The following CHM variants were observed in gnomAD, a reference collection of about 807,000 sequenced individuals.
CHM encodes CHM Rab escort protein, also known as rab proteins geranylgeranyltransferase component A 1.
CHM carries 10 observed loss-of-function variants against 49.0 expected under a neutral mutation model. The observed-to-expected ratio is 0.20, with a 90% confidence interval of 0.13 to 0.35. CHM has a LOEUF of 0.35. CHM is among the 10% of genes least tolerant of loss of function. The probability of loss-of-function intolerance (pLI) is 1.00; values close to 1 mark genes in which losing one functional copy is unlikely to be tolerated. For synonymous variants in CHM, 184 were observed against 167.5 expected, an observed-to-expected ratio of 1.10 and a Z score of -0.76; for missense variants, 455 against 478.4, an observed-to-expected ratio of 0.95 and a Z score of 0.46.
intron 4 of CHM, chrX:85,969,722 A>C (rs776847186): frequency 8.9e-6 from 1 of 112,240 alleles, no homozygotes; most frequent in African/African-American, 3.2e-5. Context: ...ATGCCCATCA[A>C]CAAATGAATT....
At chrX:85,887,550 C>T (rs748396884) in intron 12 of CHM, among the ~76,000 whole-genome samples, 10 of 111,555 alleles carry the variant, frequency 9.0e-5, no homozygotes, top group Non-Finnish European at 1.7e-4. Flanking sequence ...TGAAAATATA[C>T]CTGAAAACGT....
chrX:85,942,927 C>G (rs1929202975), intron 8 of CHM, among the ~76,000 whole-genome samples: 1 of 77,258 alleles, frequency 1.3e-5, no homozygotes, highest in Non-Finnish European at 2.3e-5. Context: ...CACCCCTCAA[C>G]AGGCCCTGGT....
chrX:86,031,776 G>A (rs1426193802), intron 1 of CHM, among the ~76,000 whole-genome samples: 1 of 111,779 alleles, frequency 8.9e-6, no homozygotes, highest in Non-Finnish European at 1.9e-5. Flanking sequence ...GAAGGCAAAG[G>A]TTGCGGTGAG....
At chrX:85,922,319 T>C (rs777946782) in intron 8 of CHM, among the ~76,000 whole-genome samples, 1 of 112,606 alleles carries the variant, frequency 8.9e-6, no homozygotes, top group Non-Finnish European at 1.9e-5. Flanking sequence ...CCCCCTTTTT[T>C]TTCTTCCTTT....
At chrX:85,883,758 A>G (rs1469981706) in intron 12 of CHM, among the ~76,000 whole-genome samples, 4 of 111,038 alleles carry the variant, frequency 3.6e-5, no homozygotes, top group Non-Finnish European at 7.6e-5. Flanking sequence ...GAAAAAGTAT[A>G]TAAACCAGTA....
intron 4 of CHM, among the ~76,000 whole-genome samples, chrX:85,971,906 T>C (rs1006883285): frequency 1.2e-3 from 102 of 87,787 alleles, no homozygotes; most frequent in African/African-American, 1.6e-3. Context: ...GATTGGTGCA[T>C]TCACAAACCT....
chrX:85,923,393 T>A lies in CHM; in HGVS notation c.1167-12055A>T, dbSNP rs747560391. 6.2e-5 allele frequency among the ~76,000 whole-genome samples: 7 copies of A among 112,193 alleles called. No individual in the cohort carries two copies. In the East Asian group the frequency reaches 1.7e-3, roughly 27 times the overall value. Reference sequence around the variant, plus strand: ...ACCAATGTGGGGTTTGTAGGCTACATTGCTCTTATTGACTGTGTGAGAGTC... The same window carrying A: ...ACCAATGTGGGGTTTGTAGGCTACAATGCTCTTATTGACTGTGTGAGAGTC... On this transcript the variant is annotated intron_variant, in intron 8 of 14. Coordinates refer to ENST00000357749, the MANE Select transcript of CHM (RefSeq NM_000390.4).
chrX:86,020,550 CA>C (rs1933492320), intron 2 of CHM, among the ~76,000 whole-genome samples: 1 of 105,490 alleles, frequency 9.5e-6, no homozygotes, highest in Admixed American at 1.0e-4. Context: ...GCAAACATTA[CA>C]AAATATACAT....
chrX:85,922,312 CCT>C (rs1491478189), intron 8 of CHM, among the ~76,000 whole-genome samples: 6 of 112,478 alleles, frequency 5.3e-5, no homozygotes, highest in Non-Finnish European at 7.5e-5. Context: ...AACATTCCCC[CCT>C]TTTTTTTCTT....
chrX:85,988,724 A>C (rs756577586), intron 2 of CHM, among the ~76,000 whole-genome samples: 8 of 111,782 alleles, frequency 7.2e-5, no homozygotes, highest in Non-Finnish European at 1.5e-4. Flanking sequence ...GCTAAGAGCC[A>C]AATCAGAAAG....
chrX:85,941,817 G>A (rs964518129), intron 8 of CHM, among the ~76,000 whole-genome samples: 2 of 111,153 alleles, frequency 1.8e-5, no homozygotes, highest in Non-Finnish European at 3.8e-5. Context: ...GTCTCTAACT[G>A]CCTCATATTT....
chrX:86,039,731 C>T (rs929042141), intron 1 of CHM, among the ~76,000 whole-genome samples: 1 of 110,893 alleles, frequency 9.0e-6, no homozygotes, highest in African/African-American at 3.3e-5. Flanking sequence ...GCCCACCCCA[C>T]ACCCCATCCT....
intron 8 of CHM, among the ~76,000 whole-genome samples, chrX:85,922,224 G>T (rs1187395616): frequency 8.9e-6 from 1 of 112,118 alleles, no homozygotes; most frequent in Non-Finnish European, 1.9e-5. Context: ...ATATAAATAT[G>T]CAATATAAAT....
chrX:85,967,838 T>C (rs778196595), intron 4 of CHM, among the ~76,000 whole-genome samples: 3 of 111,710 alleles, frequency 2.7e-5, no homozygotes, highest in Admixed American at 9.5e-5. Context: ...TGGAGGTATA[T>C]ATTCTGATAT....
intron 8 of CHM, among the ~76,000 whole-genome samples, chrX:85,942,001 T>G (rs1216647889): frequency 9.0e-6 from 1 of 111,680 alleles, no homozygotes; most frequent in Non-Finnish European, 1.9e-5. Context: ...CTATGAGGTA[T>G]GTACTATTAT....
At chrX:85,981,597 A>G (rs1931616672) in intron 3 of CHM, 140 bp downstream of exon 3, 9 of 477,782 alleles carry the variant, frequency 1.9e-5, no homozygotes, top group East Asian at 1.5e-4. Context: ...GTGACTTTAC[A>G]TATTTTTTGT....
At chrX:86,006,549 A>G (rs1242829672) in intron 2 of CHM, among the ~76,000 whole-genome samples, 5 of 112,286 alleles carry the variant, frequency 4.5e-5, no homozygotes, top group African/African-American at 1.6e-4. Context: ...TAAGCTGATA[A>G]GCAACTTCAG....
chrX:85,970,187 A>G (rs1252546033), intron 4 of CHM: 1 of 543,679 alleles, frequency 1.8e-6, no homozygotes. Context: ...ACCAAAACAT[A>G]TTGTATCCCA....
intron 2 of CHM, among the ~76,000 whole-genome samples, chrX:85,998,389 G>C (rs183990010): frequency 2.2e-4 from 25 of 111,503 alleles, no homozygotes; most frequent in African/African-American, 7.8e-4. Context: ...TGAGTCTCTT[G>C]GGAGTGGTAT....
Sources: gnomAD v4.1 joint callset for allele counts (sites outside exome capture counted in the v4.1 genomes callset) on GRCh38, gnomAD v4.1.1 for gene constraint, MANE v1.5 for transcripts, NCBI Gene and HGNC (gene_info 2026-07-23, HGNC 2026-07-21) for gene names.